PCSK6: variants seen among roughly 807,000 people sequenced by gnomAD.
The protein encoded by PCSK6 is paired basic amino acid cleaving enzyme 4.
Under a neutral mutation model 123.3 loss-of-function variants are expected in PCSK6, and 85 were observed. The ratio of observed to expected loss-of-function variants is 0.69; its 90% confidence interval spans 0.58 to 0.83. PCSK6 has a LOEUF of 0.83. Among genes scored for constraint, PCSK6 ranks in the 40% least tolerant of loss-of-function variants. PCSK6 has a pLI of 0.00. For synonymous variants in PCSK6, 508 were observed against 516.0 expected, an observed-to-expected ratio of 0.98 and a Z score of 0.21; for missense variants, 1,191 against 1,282.3, an observed-to-expected ratio of 0.93 and a Z score of 1.09.
At chr15:101,326,533 G>T in intron 15 of PCSK6, 54 bp from the exon 16 acceptor site, 1 of 1,459,002 alleles carries the variant, frequency 6.9e-7, no homozygotes, top group Non-Finnish European at 9.4e-7. Context: ...TCCATCTACT[G>T]CAGTCCCGCG....
Position 101,331,681 on chromosome 15 carries a change from T to C in PCSK6, c.2047A>G (p.Thr683Ala). ...TGTAAAATATTAGCAGAGCCTGGGG[T>C]GGATTGAGCTGTGTGAGTGCAAATT... is the stretch of plus-strand genomic sequence containing the variant. ...EDEEDYTAQS[T>A]PGSANILQTS... Residue 683 changes from threonine (T) to alanine (A), a missense_variant, in exon 15 of 22, where the codon ACC becomes GCC. Around this residue, in one of 3 missense-constraint regions of PCSK6, gnomAD observed 630 missense variants for 631.4 expected, o/e 1.00. Coordinates refer to ENST00000611716, the MANE Select transcript of PCSK6 (RefSeq NM_002570.5). 1 of 1,613,466 alleles carries C rather than the reference T, an allele frequency of 6.2e-7. No individual in the cohort carries two copies. Among genetic ancestry groups the C allele is most frequent in the East Asian group, 2.2e-5 (1 of 44,884 alleles).
At chr15:101,460,363 C>T (rs1297049846) in intron 1 of PCSK6, among the ~76,000 whole-genome samples, 1 of 152,182 alleles carries the variant, frequency 6.6e-6, no homozygotes, top group Non-Finnish European at 1.5e-5. Flanking sequence ...GCTGTCCCCT[C>T]TACCCAGGCC....
rs777544871 is a variant in PCSK6, at chr15:101,393,397, C to T, written c.1024G>A (p.Val342Ile). 5.6e-5 allele frequency: 89 copies of T among 1,601,840 alleles called. No homozygotes were observed. The highest frequency in any genetic ancestry group is 1.4e-4 in the Admixed American group (8 of 57,564). The change falls in exon 8 of 22, where the codon GTC (valine) becomes ATC (isoleucine). Residue 342 changes from valine to isoleucine, a missense_variant. Physicochemically the swap from Val to Ile is conservative, Grantham distance 29. Coordinates refer to ENST00000611716, the MANE Select transcript of PCSK6 (RefSeq NM_002570.5). ...KGRQGLGSIFVWASGNGGREG... is the reference protein window; with the variant it reads ...KGRQGLGSIFIWASGNGGREG... ...CTCCCGCCATTCCCAGATGCCCAGA[C>T]GAAAATGGAGCCCAGGCCCTGCCGG...
chr15:101,348,138 A>G (rs1376616680), intron 13 of PCSK6, among the ~76,000 whole-genome samples: 2 of 151,612 alleles, frequency 1.3e-5, no homozygotes, highest in East Asian at 3.9e-4. Flanking sequence ...GAAAAGCCAC[A>G]ACCCCCGCCC....
chr15:101,456,745 G>A (rs1056003211), intron 1 of PCSK6, among the ~76,000 whole-genome samples: 4 of 152,168 alleles, frequency 2.6e-5, no homozygotes, highest in East Asian at 3.9e-4. Context: ...TTCTCTACTC[G>A]TCTTTCGAGG....
chr15:101,376,664 C>A (rs888702691), intron 11 of PCSK6, among the ~76,000 whole-genome samples: 1 of 152,296 alleles, frequency 6.6e-6, no homozygotes, highest in East Asian at 1.9e-4. Context: ...AAATAAGTAG[C>A]CTTTACAATT....
At chr15:101,337,235 C>A (rs2040503363) in intron 13 of PCSK6, 1 of 152,192 alleles carries the variant, frequency 6.6e-6, no homozygotes. Flanking sequence ...GGTCTCTTGA[C>A]CTTGTGATCC....
At chr15:101,376,227 G>GGA (rs1259563264) in intron 11 of PCSK6, among the ~76,000 whole-genome samples, 2 of 152,110 alleles carry the variant, frequency 1.3e-5, no homozygotes, top group Non-Finnish European at 2.9e-5. Flanking sequence ...CGAGTAGCTA[G>GGA]GACTGTAGGT....
chr15:101,482,906 G>A (rs1197899735), intron 1 of PCSK6, among the ~76,000 whole-genome samples: 1 of 152,158 alleles, frequency 6.6e-6, no homozygotes, highest in African/African-American at 2.4e-5. Context: ...GCTCGGCTTT[G>A]ATCACCACTC....
chr15:101,316,499 AT>A (rs1438825877), intron 19 of PCSK6: 1 of 152,278 alleles, frequency 6.6e-6, no homozygotes, highest in Non-Finnish European at 1.5e-5. Context: ...TGACTACGAA[AT>A]TTAAATAAGC....
rs1388751381 is a variant in PCSK6, at chr15:101,320,909, G to A, written c.2465+1611C>T. 3.3e-5 allele frequency among the ~76,000 whole-genome samples: 5 copies of A among 152,174 alleles called. No homozygotes were observed. The East Asian group carries it at 9.7e-4, about 30-fold the overall frequency. ...CGGAAGCACTGCCTCTATGTGGCGG[G>A]GCTACCGACAGGAGGCGTTTTCTCT... On this transcript the variant is annotated intron_variant, in intron 18 of 21. Coordinates refer to ENST00000611716, the MANE Select transcript of PCSK6 (RefSeq NM_002570.5).
chr15:101,331,029 A>G (rs1194076077), intron 15 of PCSK6, among the ~76,000 whole-genome samples: 2 of 152,230 alleles, frequency 1.3e-5, no homozygotes, highest in Non-Finnish European at 2.9e-5. Flanking sequence ...GCTAAGGAAA[A>G]TATGTCCAAC....
At chr15:101,449,074 G>C (rs879815511) in intron 1 of PCSK6, among the ~76,000 whole-genome samples, 1 of 152,144 alleles carries the variant, frequency 6.6e-6, no homozygotes, top group Non-Finnish European at 1.5e-5. Flanking sequence ...TATGTATACA[G>C]TCATGCCTTG....
intron 6 of PCSK6, among the ~76,000 whole-genome samples, chr15:101,405,890 A>C (rs2042762305): frequency 6.6e-6 from 1 of 152,042 alleles, no homozygotes; most frequent in Admixed American, 6.5e-5. Flanking sequence ...TTACAGGCAC[A>C]CACCACCACG....
intron 1 of PCSK6, among the ~76,000 whole-genome samples, chr15:101,487,393 A>G (rs1252387387): frequency 6.6e-6 from 1 of 152,366 alleles, no homozygotes; most frequent in East Asian, 1.9e-4. Context: ...CGGAGTGTGC[A>G]TCGGGGCGAA....
rs1016093578 is a variant in PCSK6 at position 101,409,197 on chromosome 15, C to T, written c.824-10621G>A. Among the ~76,000 whole-genome samples, 4 of 152,054 alleles carry T rather than the reference C, an allele frequency of 2.6e-5. No homozygotes were observed. The East Asian group carries it at 5.8e-4, about 22-fold the overall frequency. ...GGGAGGCTGAGCGCGGGGGCTCATG[C>T]CTGTAATCCCAGCACTTTGGGCGGC... On this transcript the variant is annotated intron_variant, in intron 6 of 21. Coordinates refer to ENST00000611716, the MANE Select transcript of PCSK6 (RefSeq NM_002570.5).
At position 101,361,613 on chromosome 15, in the gene PCSK6, A is replaced by G. The variant is rs1405604933; in HGVS notation, c.1858+4583T>C. On this transcript the variant is annotated intron_variant, in intron 13 of 21. Transcript: ENST00000611716. ...AGAACGGAGGTCAATGATGAGGCGC[A>G]GGAAATGATTCACGGTGGAGAGGTG... Among the ~76,000 whole-genome samples, 3 of 152,214 alleles carry G rather than the reference A, an allele frequency of 2.0e-5. No individual in the cohort carries two copies. In the South Asian group the frequency reaches 6.2e-4, roughly 32 times the overall value.
At chr15:101,381,066 T>TA (rs59091293) in intron 11 of PCSK6, among the ~76,000 whole-genome samples, 1 of 151,870 alleles carries the variant, frequency 6.6e-6, no homozygotes, top group Non-Finnish European at 1.5e-5. Flanking sequence ...TTTTTTTTTT[T>TA]AAATAAAAAT....
intron 8 of PCSK6, 27 bp from the exon 9 acceptor site, chr15:101,389,591 C>G (rs1291685682): frequency 6.4e-7 from 1 of 1,555,642 alleles, no homozygotes; most frequent in South Asian, 1.1e-5. Flanking sequence ...CACAGTGAGG[C>G]AGTGATGGCA....
Sources: gnomAD v4.1 joint callset for allele counts (sites outside exome capture counted in the v4.1 genomes callset) on GRCh38, gnomAD v4.1.1 for gene constraint, gnomAD v4.1.1 regional missense constraint, MANE v1.5 for transcripts, NCBI Gene and HGNC (gene_info 2026-07-23, HGNC 2026-07-21) for gene names.